The following ZNF592 variants were observed in gnomAD, a reference collection of about 807,000 sequenced individuals.
The protein encoded by ZNF592 is spinocerebellar ataxia, autosomal recessive 5.
Under a neutral mutation model 80.3 loss-of-function variants are expected in ZNF592, and 11 were observed. That is an observed-to-expected ratio of 0.14 (90% CI 0.09 to 0.23). The LOEUF is 0.23. ZNF592 is among the 10% of genes least tolerant of loss of function. The pLI, the probability that ZNF592 is intolerant of heterozygous loss-of-function variation, is 1.00. For synonymous variants in ZNF592, 646 were observed against 640.3 expected, an observed-to-expected ratio of 1.01 and a Z score of -0.13; for missense variants, 1,420 against 1,633.9, an observed-to-expected ratio of 0.87 and a Z score of 2.26.
intron 1 of ZNF592, chr15:84,752,998 C>G (rs1163226283): frequency 1.3e-5 from 2 of 152,168 alleles, no homozygotes; most frequent in Non-Finnish European, 2.9e-5. Flanking sequence ...AACACTTGCT[C>G]CTCAATTCCT....
At chr15:84,792,792 C>T (rs1962786411) in intron 5 of ZNF592, among the ~76,000 whole-genome samples, 1 of 152,120 alleles carries the variant, frequency 6.6e-6, no homozygotes, top group African/African-American at 2.4e-5. Flanking sequence ...TCTTTTTCAT[C>T]TTATGGAGGA....
chr15:84,762,810 C>T (rs554070247), intron 1 of ZNF592, among the ~76,000 whole-genome samples: 4 of 152,316 alleles, frequency 2.6e-5, no homozygotes, highest in African/African-American at 7.2e-5. Context: ...TACCTCACCT[C>T]TCTGGGCCTC....
At position 84,788,234 on chromosome 15, in the gene ZNF592, A is replaced by T. The variant is rs1352316831; in HGVS notation, c.2221-2471A>T. ...AATGATGCTGAATTAATGAGAGTGA[A>T]TTTAGGTGATAATATTCTGATCCCT... On this transcript the variant is annotated intron_variant, in intron 4 of 10. Coordinates refer to ENST00000560079, the MANE Select transcript of ZNF592 (RefSeq NM_014630.3). Among the ~76,000 whole-genome samples, 4 of 152,318 alleles carry T rather than the reference A, an allele frequency of 2.6e-5. No individual in the cohort carries two copies. In the South Asian group the frequency reaches 8.3e-4, roughly 32 times the overall value.
In ZNF592 at chr15:84,801,933, C is replaced by T. The variant is rs1438902079; in HGVS notation, c.3344C>T (p.Ser1115Phe). The change falls in exon 11 of 11, where the codon TCT becomes TTT. Residue 1115 changes from serine to phenylalanine, a missense_variant. Coordinates refer to ENST00000560079, the MANE Select transcript of ZNF592 (RefSeq NM_014630.3). Reference sequence around the variant, plus strand: ...GGCACCAGCAATGGCGCAACTGTCTCTTCCACCAAAAGGCACAAGTCCCTT... The same window carrying T: ...GGCACCAGCAATGGCGCAACTGTCTTTTCCACCAAAAGGCACAAGTCCCTT... ...APGTSNGATVSSTKRHKSLFQ... is the reference protein window; with the variant it reads ...APGTSNGATVFSTKRHKSLFQ... 1.1e-5 allele frequency: 18 copies of T among 1,613,864 alleles called. No individual in the cohort carries two copies. The highest frequency in any genetic ancestry group is 1.5e-5 in the Non-Finnish European group (18 of 1,179,874).
intron 1 of ZNF592, among the ~76,000 whole-genome samples, chr15:84,754,955 CCT>C (rs540170262): frequency 2.0e-5 from 3 of 148,436 alleles, no homozygotes; most frequent in South Asian, 4.3e-4. Flanking sequence ...ATTGCAATCC[CCT>C]GAGTTGTTTT....
In ZNF592 at chr15:84,798,658, G is replaced by A. The variant is rs1256527386; in HGVS notation, c.2807G>A (p.Ser936Asn). Residue 936 changes from serine to asparagine, a missense_variant, in exon 8 of 11, where the codon AGC becomes AAC. By Grantham distance (46) the Ser-to-Asn change is conservative (BLOSUM62 1). This residue lies in a region of ZNF592 where 331 missense variants were observed against 347.0 expected (regional missense o/e 0.95). Coordinates refer to ENST00000560079, the MANE Select transcript of ZNF592 (RefSeq NM_014630.3). This position sits in a 1 kb window ranked among gnomAD's most constrained non-coding sequence, Gnocchi z 4.5. ...SLQSSADTSSSRPGSRVPTEP... is the reference protein window; with the variant it reads ...SLQSSADTSSNRPGSRVPTEP... ...CAGTCTTCAGCGGACACATCCTCAA[G>A]CCGCCCTGGCTCTCGAGTTCCCACT... The A allele has an allele frequency of 6.2e-7, 1 of 1,613,934 alleles. No homozygotes were observed.
intron 1 of ZNF592, among the ~76,000 whole-genome samples, chr15:84,752,494 A>G (rs1016064276): frequency 6.6e-6 from 1 of 152,196 alleles, no homozygotes; most frequent in Non-Finnish European, 1.5e-5. Flanking sequence ...TTACAGGCAA[A>G]TAAGATTGAG....
chr15:84,796,513 A>G (rs1962925692), intron 5 of ZNF592, among the ~76,000 whole-genome samples: 1 of 151,764 alleles, frequency 6.6e-6, no homozygotes, highest in Non-Finnish European at 1.5e-5. Context: ...GGCAGGAGGA[A>G]AGACTGAACA....
At chr15:84,768,099 C>G (rs2141971251) in intron 2 of ZNF592, among the ~76,000 whole-genome samples, 1 of 149,240 alleles carries the variant, frequency 6.7e-6, no homozygotes, top group Non-Finnish European at 1.5e-5. Context: ...TGCCATGTTG[C>G]CCAGCTGGTA....
At position 84,798,504 on chromosome 15, in the gene ZNF592, A is replaced by T; in HGVS notation, c.2736+30A>T. 6.2e-7 allele frequency: 1 copy of T among 1,613,772 alleles called. No individual in the cohort carries two copies. Among genetic ancestry groups the T allele is most frequent in the Non-Finnish European group, 8.5e-7 (1 of 1,179,800 alleles). On this transcript the variant is annotated intron_variant, in intron 7 of 10. Coordinates refer to ENST00000560079, the MANE Select transcript of ZNF592 (RefSeq NM_014630.3). The surrounding 1 kb of genome is among the most constrained non-coding windows in gnomAD (Gnocchi z 4.5). ...GATGCCTTGCGGGAGGAGGCCGGGG[A>T]GGAGGGCACATGCCTCAGGCTGGGG...
At chr15:84,770,302 A>G (rs1317651485) in intron 2 of ZNF592, among the ~76,000 whole-genome samples, 1 of 152,234 alleles carries the variant, frequency 6.6e-6, no homozygotes, top group African/African-American at 2.4e-5. Flanking sequence ...ATCTAGAAAT[A>G]ACAATAATTT....
chr15:84,775,620 A>G (rs1962225831), intron 2 of ZNF592, among the ~76,000 whole-genome samples: 1 of 151,742 alleles, frequency 6.6e-6, no homozygotes, highest in Non-Finnish European at 1.5e-5. Flanking sequence ...TTTAGTAGAG[A>G]TGAGGTTTTG....
At position 84,784,794 on chromosome 15, in the gene ZNF592, A is replaced by G. The variant is rs1400147097; in HGVS notation, c.2119A>G (p.Ile707Val). ...ACTCTACCCAGACCCTGTGAGGCTC[A>G]TCCGGTACTCAATCAAGTGTCTTGA... Reference protein sequence around the residue: ...LPLYPDPVRLIRYSIKCLECH... With the variant: ...LPLYPDPVRLVRYSIKCLECH... The change falls in exon 4 of 11, where the codon ATC (isoleucine) becomes GTC (valine). Residue 707 changes from isoleucine to valine, a missense_variant. Physicochemically the swap from Ile to Val is conservative, Grantham distance 29. Transcript: ENST00000560079. This position sits in a 1 kb window ranked among gnomAD's most constrained non-coding sequence, Gnocchi z 5.8. 1 of 1,614,088 alleles carries G rather than the reference A, an allele frequency of 6.2e-7. No homozygotes were observed. Among genetic ancestry groups the G allele is most frequent in the Admixed American group, 1.7e-5 (1 of 60,018 alleles).
Position 84,799,002 on chromosome 15 carries a change from G to A in ZNF592, c.3025-96G>A, listed in dbSNP as rs1462135036. 19 of 1,590,022 alleles carry A rather than the reference G, an allele frequency of 1.2e-5. No homozygotes were observed. Among genetic ancestry groups the A allele is most frequent in the Non-Finnish European group, 1.6e-5 (18 of 1,159,158 alleles). On this transcript the variant is annotated intron_variant, in intron 8 of 10. Transcript: ENST00000560079. The surrounding 1 kb of genome is among the most constrained non-coding windows in gnomAD (Gnocchi z 4.2). ...ACCACAGATCTTGAGGTCTTCGGGA[G>A]TATCCTCCTTTCTGCCCATGGCATC... is the stretch of plus-strand genomic sequence containing the variant.
At chr15:84,793,691 C>A (rs1008181231) in intron 5 of ZNF592, among the ~76,000 whole-genome samples, 2 of 152,206 alleles carry the variant, frequency 1.3e-5, no homozygotes, top group African/African-American at 4.8e-5. Context: ...TCCACCACTT[C>A]TTTCTTCCCC....
chr15:84,778,169 GT>G lies in ZNF592; in HGVS notation c.-149-9del. On this transcript the variant is annotated splice_polypyrimidine_tract_variant and intron_variant, in intron 2 of 10. Transcript: ENST00000560079. ...TGCTTTGTAAGGGCTTTTTGTTTTT[GT>G]TTTTGTTTTAAGGAGCGGAGAGTTT... 1 of 154,176 alleles carries G rather than the reference GT, an allele frequency of 6.5e-6. No homozygotes were observed. The highest frequency in any genetic ancestry group is 1.4e-5 in the Non-Finnish European group (1 of 69,204). The allele number at this position is 154,176 out of a possible 1,614,324, so 9.6% of individuals were successfully genotyped here.
chr15:84,796,766 T>A (rs1379790097), intron 5 of ZNF592, among the ~76,000 whole-genome samples: 2 of 150,442 alleles, frequency 1.3e-5, no homozygotes, highest in African/African-American at 4.9e-5. Context: ...GAAAAAAAAA[T>A]GAAAAGTTAT....
chr15:84,785,690 T>G (rs192507939), intron 4 of ZNF592, among the ~76,000 whole-genome samples: 387 of 152,290 alleles, frequency 2.5e-3, no homozygotes, highest in Non-Finnish European at 3.9e-3. Flanking sequence ...TTGTGGAAAC[T>G]GCAGTAGGGC....
Position 84,783,213 on chromosome 15 carries a change from G to C in ZNF592, c.538G>C (p.Gly180Arg). Residue 180 changes from glycine to arginine, a missense_variant, in exon 4 of 11, where the codon GGC (glycine) becomes CGC (arginine). Transcript: ENST00000560079. This position sits in a 1 kb window ranked among gnomAD's most constrained non-coding sequence, Gnocchi z 5.0. The part of the protein sequence containing the change: ...PPPLGCGAVG[G>R]PVLEALAKFP... ...CCCTCTTGGGTGCGGGGCTGTGGGA[G>C]GCCCAGTCCTGGAGGCTCTGGCTAA... is the stretch of plus-strand genomic sequence containing the variant. 1.2e-6 allele frequency: 2 copies of C among 1,614,216 alleles called. No homozygotes were observed. Among genetic ancestry groups the C allele is most frequent in the Non-Finnish European group, 1.7e-6 (2 of 1,180,042 alleles).
Sources: gnomAD v4.1 joint callset for allele counts (sites outside exome capture counted in the v4.1 genomes callset) on GRCh38, gnomAD v4.1.1 for gene constraint, gnomAD v4.1.1 regional missense constraint, Gnocchi (gnomAD v3.1) non-coding constraint, MANE v1.5 for transcripts, NCBI Gene and HGNC (gene_info 2026-07-23, HGNC 2026-07-21) for gene names.